The following SLC2A9 variants were observed in gnomAD, a reference collection of about 807,000 sequenced individuals.
The protein encoded by SLC2A9 is solute carrier family 2 member 9, also known as solute carrier family 2, facilitated glucose transporter member 9.
A neutral mutation model predicts 50.6 loss-of-function variants in SLC2A9; 39 were observed. That is an observed-to-expected ratio of 0.77 (90% CI 0.60 to 1.01). The LOEUF (loss-of-function observed/expected upper bound fraction) is 1.01, where lower values mean the gene tolerates loss of function less well. Among genes scored for constraint, SLC2A9 ranks in the 50% least tolerant of loss-of-function variants. SLC2A9 has a pLI of 0.00. For synonymous variants in SLC2A9, 324 were observed against 276.9 expected (o/e 1.17, Z -1.69); for missense variants, 686 against 677.6 (o/e 1.01, Z -0.14).
At chr4:9,846,816 T>C (rs926485674) in intron 10 of SLC2A9, among the ~76,000 whole-genome samples, 1 of 152,212 alleles carries the variant, frequency 6.6e-6, no homozygotes, top group Non-Finnish European at 1.5e-5. Flanking sequence ...TTCATATTTA[T>C]TAAAATTATT....
intron 10 of SLC2A9, among the ~76,000 whole-genome samples, chr4:9,882,158 CA>C (rs546594016): frequency 6.6e-6 from 1 of 152,206 alleles, no homozygotes; most frequent in Non-Finnish European, 1.5e-5. Context: ...AAACAAAAGA[CA>C]AAAGTATTTC....
At chr4:9,937,253 C>G (rs1210719251) in intron 6 of SLC2A9, among the ~76,000 whole-genome samples, 1 of 152,184 alleles carries the variant, frequency 6.6e-6, no homozygotes, top group Non-Finnish European at 1.5e-5. Context: ...ACTTCGTGCT[C>G]TGAGGGCTGG....
intron 10 of SLC2A9, among the ~76,000 whole-genome samples, chr4:9,865,142 T>C (rs1251104410): frequency 1.3e-5 from 2 of 152,260 alleles, no homozygotes; most frequent in African/African-American, 4.8e-5. Flanking sequence ...CAGCGGTTCA[T>C]AGCCAGGAGT....
intron 3 of SLC2A9, among the ~76,000 whole-genome samples, chr4:9,820,664 G>A (rs1490441177): frequency 6.6e-6 from 1 of 152,090 alleles, no homozygotes; most frequent in Non-Finnish European, 1.5e-5. Flanking sequence ...AATATGTTTT[G>A]TTAGATATTT....
At chr4:9,871,159 C>T (rs780891884) in intron 10 of SLC2A9, among the ~76,000 whole-genome samples, 1 of 152,218 alleles carries the variant, frequency 6.6e-6, no homozygotes, top group African/African-American at 2.4e-5. Context: ...CCTTGGCAGG[C>T]AGCTTGCCCA....
At chr4:9,814,262 A>T (rs972107872) in intron 3 of SLC2A9, among the ~76,000 whole-genome samples, 4 of 152,240 alleles carry the variant, frequency 2.6e-5, no homozygotes, top group African/African-American at 7.2e-5. Flanking sequence ...CATTTTCTCA[A>T]CTTCTTGAAG....
intron 8 of SLC2A9, among the ~76,000 whole-genome samples, chr4:9,894,828 C>T (rs1355694970): frequency 1.3e-5 from 2 of 152,096 alleles, no homozygotes; most frequent in Non-Finnish European, 2.9e-5. Context: ...ACAGAATGTG[C>T]CATGGAAGAG....
chr4:9,782,451 C>T (rs935592815), intron 3 of SLC2A9: 1 of 1,613,996 alleles, frequency 6.2e-7, no homozygotes, highest in East Asian at 2.2e-5. Context: ...CGCTACTGGG[C>T]CATCTCCAGG....
chr4:9,887,221 A>G (rs547861860), intron 10 of SLC2A9, among the ~76,000 whole-genome samples: 2 of 152,352 alleles, frequency 1.3e-5, no homozygotes, highest in African/African-American at 4.8e-5. Flanking sequence ...CTTTCACCAT[A>G]GACGGTAACT....
In SLC2A9 at chr4:10,038,317, G is replaced by C. The variant is rs993878868; in HGVS notation, c.-41+1813C>G. Among the ~76,000 whole-genome samples, 5 of 151,916 alleles carry C rather than the reference G, an allele frequency of 3.3e-5. 1 individual carries two copies. Among genetic ancestry groups the C allele is most frequent in the Admixed American group, 6.6e-5 (1 of 15,262 alleles). On this transcript the variant is annotated intron_variant, in intron 1 of 12. Coordinates refer to the SLC2A9 transcript ENST00000309065. ...AGGTCAAGGAGTTCAAGACCAGCCT[G>C]GCCAACATGGTGAAACCCAGTCTCT...
intron 6 of SLC2A9, among the ~76,000 whole-genome samples, chr4:9,928,083 C>G (rs1487711278): frequency 6.6e-6 from 1 of 152,054 alleles, no homozygotes; most frequent in Non-Finnish European, 1.5e-5. Flanking sequence ...TCGAGGCCAG[C>G]CTCAGCAACA....
rs768737899 is a variant in SLC2A9 at position 9,834,205 on chromosome 4, G to A, written c.1419+676C>T. On this transcript the variant is annotated intron_variant, in intron 11 of 11. Transcript: ENST00000264784. ...GTCACCTCCTTCCAGAGCCCTTCACGATTGCCCCATTTAAAATAGCACTTA... is the reference window on the plus strand; with the variant it reads ...GTCACCTCCTTCCAGAGCCCTTCACAATTGCCCCATTTAAAATAGCACTTA... Among the ~76,000 whole-genome samples, 22 of 152,086 alleles carry A rather than the reference G, an allele frequency of 1.4e-4. 1 individual carries two copies. The highest frequency in any genetic ancestry group is 2.9e-5 in the Non-Finnish European group (2 of 68,020).
chr4:9,772,170 A>T (rs1311695916), intron 1 of SLC2A9, among the ~76,000 whole-genome samples: 1 of 152,186 alleles, frequency 6.6e-6, no homozygotes, highest in African/African-American at 2.4e-5. Context: ...GGGTGAAGAC[A>T]TCAGCACTGA....
At chr4:9,908,768 A>G (rs1741161458) in intron 7 of SLC2A9, among the ~76,000 whole-genome samples, 2 of 152,076 alleles carry the variant, frequency 1.3e-5, no homozygotes, top group Admixed American at 1.3e-4. Context: ...TGTCCAGCTA[A>G]AAGACTACAC....
chr4:9,904,642 T>C (rs1740295238), intron 8 of SLC2A9, among the ~76,000 whole-genome samples: 2 of 152,246 alleles, frequency 1.3e-5, no homozygotes, highest in South Asian at 4.1e-4. Flanking sequence ...GGAATGGTTA[T>C]GTCCATTTTA....
At chr4:9,999,383 A>AGTGT (rs150059195) in intron 2 of SLC2A9, among the ~76,000 whole-genome samples, 13 of 151,256 alleles carry the variant, frequency 8.6e-5, no homozygotes, top group South Asian at 2.1e-4. Context: ...CAGTCTTTAA[A>AGTGT]GTGTGTGTGT....
chr4:9,812,083 C>G (rs1049046999), intron 3 of SLC2A9, among the ~76,000 whole-genome samples: 1 of 152,136 alleles, frequency 6.6e-6, no homozygotes, highest in African/African-American at 2.4e-5. Flanking sequence ...TGAAAGAGTC[C>G]TAAGTAATAA....
upstream of SLC2A9, chr4:10,025,825 T>C (rs1763730714): frequency 7.1e-7 from 1 of 1,401,760 alleles, no homozygotes; most frequent in Non-Finnish European, 1.0e-6. Flanking sequence ...AGCCTCCCAC[T>C]GACCCAGGGG....
intron 8 of SLC2A9, among the ~76,000 whole-genome samples, chr4:9,896,359 A>G (rs759165228): frequency 6.4e-4 from 98 of 152,190 alleles, no homozygotes; most frequent in Admixed American, 1.1e-3. Flanking sequence ...GACAGTAACA[A>G]TGTTGAAGAT....
Sources: gnomAD v4.1 joint callset for allele counts (sites outside exome capture counted in the v4.1 genomes callset) on GRCh38, gnomAD v4.1.1 for gene constraint, MANE v1.5 for transcripts, NCBI Gene and HGNC (gene_info 2026-07-23, HGNC 2026-07-21) for gene names.